CSMD1: variants seen among roughly 807,000 people sequenced by gnomAD.
CSMD1 encodes CUB and sushi domain-containing protein 1.
A neutral mutation model predicts 417.5 loss-of-function variants in CSMD1; 213 were observed. That is an observed-to-expected ratio of 0.51 (90% CI 0.46 to 0.57). CSMD1 has a LOEUF of 0.57. CSMD1 is among the 20% of genes least tolerant of loss of function. The pLI, the probability that CSMD1 is intolerant of heterozygous loss-of-function variation, is 0.00. For synonymous variants in CSMD1, 2,862 were observed against 1,736.8 expected (o/e 1.65, Z -16.11); for missense variants, 6,923 against 4,529.7 (o/e 1.53, Z -15.17).
intron 6 of CSMD1, among the ~76,000 whole-genome samples, chr8:3,742,887 G>T (rs571922253): frequency 6.6e-6 from 1 of 152,216 alleles, no homozygotes; most frequent in Non-Finnish European, 1.5e-5. Context: ...TGACTGCAAT[G>T]GATAACAGAG....
intron 7 of CSMD1, among the ~76,000 whole-genome samples, chr8:3,688,744 C>T (rs1333570141): frequency 1.3e-5 from 2 of 152,002 alleles, no homozygotes; most frequent in African/African-American, 4.8e-5. Context: ...TTAAAAGTTG[C>T]TGGGTGAAAC....
intron 3 of CSMD1, among the ~76,000 whole-genome samples, chr8:4,236,494 G>A (rs1451784420): frequency 2.0e-5 from 3 of 152,066 alleles, no homozygotes; most frequent in African/African-American, 7.2e-5. Flanking sequence ...GGCCAGAGTA[G>A]GAATCTGAGA....
chr8:3,059,864 G>A lies in CSMD1; in HGVS notation c.7475-7217C>T, dbSNP rs1480223706. 2.6e-5 allele frequency among the ~76,000 whole-genome samples: 4 copies of A among 152,136 alleles called. No individual in the cohort carries two copies. The East Asian group carries it at 7.8e-4, about 29-fold the overall frequency. On this transcript the variant is annotated intron_variant, in intron 49 of 69. Coordinates refer to ENST00000635120, the MANE Select transcript of CSMD1 (RefSeq NM_033225.6). ...TTCAAGCAGTTGGATAGACTGAGAT[G>A]CTAATTTCTCAAACGGGATTCACTT... is the stretch of plus-strand genomic sequence containing the variant.
chr8:4,127,620 G>A (rs1403222703), intron 3 of CSMD1, among the ~76,000 whole-genome samples: 3 of 151,922 alleles, frequency 2.0e-5, no homozygotes, highest in African/African-American at 4.8e-5. Flanking sequence ...AACACCCAAA[G>A]TACCTGTATG....
chr8:4,282,747 T>C (rs1585153905), intron 3 of CSMD1, among the ~76,000 whole-genome samples: 1 of 152,208 alleles, frequency 6.6e-6, no homozygotes, highest in Non-Finnish European at 1.5e-5. Flanking sequence ...GTAGCAATAG[T>C]ATGTTTAAAT....
chr8:3,985,432 C>A (rs1348303430), intron 5 of CSMD1, among the ~76,000 whole-genome samples: 1 of 152,060 alleles, frequency 6.6e-6, no homozygotes, highest in East Asian at 1.9e-4. Context: ...TGCACACACA[C>A]ACAAACACAC....
At chr8:3,608,252 G>C (rs1662664959) in intron 8 of CSMD1, among the ~76,000 whole-genome samples, 1 of 152,004 alleles carries the variant, frequency 6.6e-6, no homozygotes. Flanking sequence ...AGGAGGTAGT[G>C]TCAGGACAGA....
chr8:4,499,501 G>C (rs1251549581), intron 2 of CSMD1, among the ~76,000 whole-genome samples: 2 of 152,228 alleles, frequency 1.3e-5, no homozygotes, highest in East Asian at 1.9e-4. Flanking sequence ...GAACCAGCAA[G>C]ACTTTCAAGG....
At chr8:4,244,597 T>C (rs1051530957) in intron 3 of CSMD1, among the ~76,000 whole-genome samples, 1 of 151,966 alleles carries the variant, frequency 6.6e-6, no homozygotes, top group Non-Finnish European at 1.5e-5. Context: ...TGTAGATCTG[T>C]CTCCCAGAAA....
chr8:4,986,426 A>G (rs1811181907), intron 1 of CSMD1, among the ~76,000 whole-genome samples: 2 of 152,232 alleles, frequency 1.3e-5, no homozygotes, highest in African/African-American at 4.8e-5. Flanking sequence ...TTCTCTAAAT[A>G]GAGGCATAGA....
chr8:4,651,648 G>T (rs962869868), intron 1 of CSMD1, among the ~76,000 whole-genome samples: 2 of 152,216 alleles, frequency 1.3e-5, no homozygotes, highest in South Asian at 4.1e-4. Flanking sequence ...CATCTTCTGG[G>T]ATAATTCTCT....
At chr8:3,639,904 T>C (rs946975499) in intron 7 of CSMD1, among the ~76,000 whole-genome samples, 1 of 152,240 alleles carries the variant, frequency 6.6e-6, no homozygotes, top group African/African-American at 2.4e-5. Context: ...ATCTTCTTTG[T>C]GTTTTGCTAA....
intron 3 of CSMD1, among the ~76,000 whole-genome samples, chr8:4,167,987 G>A (rs544528277): frequency 1.6e-3 from 247 of 152,056 alleles, no homozygotes; most frequent in African/African-American, 5.8e-3. Context: ...AAATTAGCCA[G>A]GCGTGGTGGC....
chr8:4,616,835 T>C (rs1801499461), intron 2 of CSMD1, among the ~76,000 whole-genome samples: 1 of 152,234 alleles, frequency 6.6e-6, no homozygotes, highest in Non-Finnish European at 1.5e-5. Context: ...TTTGGTCTTC[T>C]GGGCTTATTC....
intron 1 of CSMD1, among the ~76,000 whole-genome samples, chr8:4,724,161 T>C (rs1224961541): frequency 6.6e-6 from 1 of 152,144 alleles, no homozygotes; most frequent in Admixed American, 6.6e-5. Context: ...AAAACATGGA[T>C]GTTCCAGAAT....
At position 3,214,542 on chromosome 8, in the gene CSMD1, C is replaced by A. The variant is rs1304209425; in HGVS notation, c.4822G>T (p.Ala1608Ser). The A allele has an allele frequency of 1.2e-6, 2 of 1,600,060 alleles. No individual in the cohort carries two copies. The highest frequency in any genetic ancestry group is 1.3e-5 in the African/African-American group (1 of 74,736). ...TGGTCCCAGGAGGGTTTCCCATCAG[C>A]CCCAATCACACAGGTGATGGATGAG... ...DPSSITCVIG[A>S]DGKPSWDQVL... Residue 1608 changes from alanine to serine, a missense_variant, in exon 30 of 70, where the codon GCT becomes TCT. Coordinates refer to ENST00000635120, the MANE Select transcript of CSMD1 (RefSeq NM_033225.6).
intron 25 of CSMD1, among the ~76,000 whole-genome samples, chr8:3,307,181 G>T (rs911006203): frequency 2.0e-5 from 3 of 152,020 alleles, no homozygotes; most frequent in Non-Finnish European, 4.4e-5. Context: ...TTGACAAAGG[G>T]CACCTTAGCA....
chr8:3,538,444 T>G (rs1053743106), intron 10 of CSMD1, among the ~76,000 whole-genome samples: 3 of 152,126 alleles, frequency 2.0e-5, no homozygotes, highest in African/African-American at 7.2e-5. Flanking sequence ...TCACCTGAGA[T>G]GATGCACCTG....
intron 6 of CSMD1, among the ~76,000 whole-genome samples, chr8:3,736,236 TTTTTGTTTTG>T (rs369485005): frequency 6.6e-6 from 1 of 152,060 alleles, no homozygotes; most frequent in Admixed American, 6.6e-5. Flanking sequence ...TGTGTGTATT[TTTTTGTTTTG>T]TTTTGTTTTG....
Sources: allele counts gnomAD v4.1 joint callset (sites outside exome capture counted in the v4.1 genomes callset), GRCh38; gene constraint gnomAD v4.1.1; transcripts MANE v1.5; gene names NCBI Gene and HGNC (gene_info 2026-07-23, HGNC 2026-07-21).